RNF135: variants seen among roughly 807,000 people sequenced by gnomAD.
RNF135 encodes the protein E3 ubiquitin-protein ligase RNF135.
A neutral mutation model predicts 41.9 loss-of-function variants in RNF135; 46 were observed. The observed-to-expected ratio is 1.10, with a 90% confidence interval of 0.87 to 1.40. RNF135 has a LOEUF of 1.40. RNF135 is among the 40% of genes most tolerant of loss of function. The pLI is 0.00. For synonymous variants in RNF135, 238 were observed against 223.8 expected (o/e 1.06, Z -0.57); for missense variants, 539 against 549.8 (o/e 0.98, Z 0.20).
At chr17:30,977,793 T>C (rs1906597071) in intron 1 of RNF135, among the ~76,000 whole-genome samples, 1 of 152,178 alleles carries the variant, frequency 6.6e-6, no homozygotes, top group East Asian at 1.9e-4. Flanking sequence ...AGTCTCGAAC[T>C]CCTGACCTCA....
chr17:30,968,787 T>C (rs903363684), upstream of RNF135: 4 of 152,372 alleles, frequency 2.6e-5, no homozygotes, highest in African/African-American at 4.8e-5. Context: ...ACTCACTCTT[T>C]CCAGAAACTT....
At chr17:30,984,874 T>G in intron 2 of RNF135, 114 bp downstream of exon 2, 3 of 1,216,212 alleles carry the variant, frequency 2.5e-6, no homozygotes, top group South Asian at 2.4e-5. Flanking sequence ...TCTCAATCTT[T>G]TATTGTTCTC....
chr17:30,981,242 C>G (rs1464179842), intron 1 of RNF135, among the ~76,000 whole-genome samples: 2 of 147,616 alleles, frequency 1.4e-5, no homozygotes, highest in Admixed American at 1.3e-4. Flanking sequence ...CGCCTGCAAT[C>G]GCAGGCACTC....
At position 30,995,153 on chromosome 17, in the gene RNF135, C is replaced by T. The variant is rs1481112172; in HGVS notation, c.680-2089C>T. ...CTGTAATCATAGCACTTTGGGAGGC[C>T]GAGGCGGGTGGATCACTAGGTCAGG... On this transcript the variant is annotated intron_variant, in intron 3 of 4. Coordinates refer to ENST00000328381, the MANE Select transcript of RNF135 (RefSeq NM_032322.4). 5.3e-5 allele frequency among the ~76,000 whole-genome samples: 8 copies of T among 151,668 alleles called. No individual in the cohort carries two copies. In the East Asian group the frequency reaches 9.9e-4, roughly 19 times the overall value.
chr17:30,995,117 G>C (rs1367748180), intron 3 of RNF135, among the ~76,000 whole-genome samples: 1 of 152,058 alleles, frequency 6.6e-6, no homozygotes, highest in African/African-American at 2.4e-5. Flanking sequence ...GGCCGGGACA[G>C]TGGCTTACGC....
At chr17:30,966,598 C>T (rs949581163), upstream of RNF135, among the ~76,000 whole-genome samples, 19 of 151,266 alleles carry the variant, frequency 1.3e-4, no homozygotes, top group Non-Finnish European at 2.1e-4. Flanking sequence ...AGGGTTCACA[C>T]CATTCTCCTG....
intron 3 of RNF135, among the ~76,000 whole-genome samples, chr17:30,988,321 T>C (rs1054070513): frequency 2.0e-5 from 3 of 151,710 alleles, no homozygotes; most frequent in African/African-American, 4.8e-5. Flanking sequence ...AAGTCCTTAA[T>C]AGATAGAAAC....
At chr17:30,970,847 C>A (rs544187011), upstream of RNF135, 28 of 622,796 alleles carry the variant, frequency 4.5e-5, no homozygotes, top group Admixed American at 5.4e-4. Context: ...TTTCCCAGGG[C>A]AAGAGGCCGC....
In RNF135 at chr17:30,971,064, C is replaced by T. The variant is rs1169079795; in HGVS notation, c.-10C>T. Reference sequence around the variant, plus strand: ...AACCCCGACGTCCGCGCCCCGGCCGCCTGTTGGCCATGGCGGGCCTGGGCC... The same window carrying T: ...AACCCCGACGTCCGCGCCCCGGCCGTCTGTTGGCCATGGCGGGCCTGGGCC... On this transcript the variant is annotated 5_prime_UTR_variant, in exon 1 of 5. Transcript: ENST00000328381. 6.5e-7 allele frequency: 1 copy of T among 1,534,004 alleles called. No individual in the cohort carries two copies. Among genetic ancestry groups the T allele is most frequent in the African/African-American group, 1.4e-5 (1 of 72,988 alleles).
chr17:30,983,997 GAT>G (rs1286791888), intron 1 of RNF135, among the ~76,000 whole-genome samples: 1 of 152,068 alleles, frequency 6.6e-6, no homozygotes, highest in Non-Finnish European at 1.5e-5. Flanking sequence ...AAGCGGCAGT[GAT>G]ATGTTTTTAT....
Position 30,971,296 on chromosome 17 carries a change from A to G in RNF135, c.223A>G (p.Asn75Asp), listed in dbSNP as rs1905898662. 2 of 1,530,024 alleles carry G rather than the reference A, an allele frequency of 1.3e-6. No homozygotes were observed. The highest frequency in any genetic ancestry group is 1.8e-6 in the Non-Finnish European group (2 of 1,142,274). 94.8% of individuals were successfully genotyped at this position (1,530,024 alleles called of 1,614,324 possible). A position where few individuals can be genotyped will look rare whatever the true frequency, so the allele number is the denominator to read the frequency against. The change falls in exon 1 of 5, where the codon AAC becomes GAC. Residue 75 changes from asparagine (N) to aspartate (D), a missense_variant. Coordinates refer to ENST00000328381, the MANE Select transcript of RNF135 (RefSeq NM_032322.4). ...CGCGCAGCAGCCGCACCTGCGGAAG[A>G]ACACGCTACTGCAGGACCTGGCCGA... Reference protein sequence around the residue: ...GAAQQPHLRKNTLLQDLADKY... With the variant: ...GAAQQPHLRKDTLLQDLADKY...
In RNF135 at chr17:30,998,732, A is replaced by G. The variant is rs1292071339; in HGVS notation, c.840A>G (p.Thr280=). The G allele has an allele frequency of 1.9e-6, 3 of 1,613,334 alleles. No individual in the cohort carries two copies. Among genetic ancestry groups the G allele is most frequent in the African/African-American group, 2.7e-5 (2 of 74,796 alleles). ...CSLEVSKDSR[T]VTVSHRPQPY... is the part of the protein sequence containing the mutation. ...TGGAGGTGTCCAAGGATTCCCGTACAGTGACTGTGTCTCACCGCCCACAAC... is the reference window on the plus strand; with the variant it reads ...TGGAGGTGTCCAAGGATTCCCGTACGGTGACTGTGTCTCACCGCCCACAAC... Residue 280 remains threonine, a synonymous_variant, in exon 5 of 5, where the codon ACA becomes ACG. Coordinates refer to ENST00000328381, the MANE Select transcript of RNF135 (RefSeq NM_032322.4).
At position 30,971,368 on chromosome 17, in the gene RNF135, G is replaced by GC; in HGVS notation, c.298dup (p.His100ProfsTer104). 2 of 1,528,558 alleles carry GC rather than the reference G, an allele frequency of 1.3e-6. No homozygotes were observed. The highest frequency in any genetic ancestry group is 2.4e-5 in the South Asian group (2 of 83,094). 94.7% of individuals were successfully genotyped at this position (1,528,558 alleles called of 1,614,324 possible). On this transcript the variant is annotated frameshift_variant, in exon 1 of 5. Transcript: ENST00000328381. LOFTEE classifies it high-confidence loss of function. ...CGAGATACAGGCGGGCTCCGACCCT[G>GC]CCCACTGCCCCTGCCCGGGCTCCAG...
chr17:30,999,293 C>T lies in RNF135; in HGVS notation c.*102C>T, dbSNP rs571703543. 1.2e-5 allele frequency: 15 copies of T among 1,303,888 alleles called. No individual in the cohort carries two copies. In the African/African-American group the frequency reaches 1.2e-4, roughly 10 times the overall value. 80.8% of individuals were successfully genotyped at this position (1,303,888 alleles called of 1,614,324 possible). On this transcript the variant is annotated 3_prime_UTR_variant, in exon 5 of 5. Coordinates refer to ENST00000328381, the MANE Select transcript of RNF135 (RefSeq NM_032322.4). Reference sequence around the variant, plus strand: ...AGAATACCACTTTTTAGAAAAATTACGATAGAGATGGGATCTCACTAGGTT... The same window carrying T: ...AGAATACCACTTTTTAGAAAAATTATGATAGAGATGGGATCTCACTAGGTT...
At position 30,999,374 on chromosome 17, in the gene RNF135, A is replaced by T. The variant is rs1908591138; in HGVS notation, c.*183A>T. 1.5e-6 allele frequency: 1 copy of T among 658,922 alleles called. No homozygotes were observed. Among genetic ancestry groups the T allele is most frequent in the African/African-American group, 1.8e-5 (1 of 55,966 alleles). 40.8% of individuals were successfully genotyped at this position (658,922 alleles called of 1,614,324 possible). On this transcript the variant is annotated 3_prime_UTR_variant, in exon 5 of 5. Transcript: ENST00000328381. The stretch of plus-strand genomic sequence containing the variant: ...AGCAGTCCTCCCACCTCAGCCTCCC[A>T]AGGTGCTGGGATTACAGGTGTGAGC...
chr17:30,983,353 ATTTT>A (rs1192298651), intron 1 of RNF135, among the ~76,000 whole-genome samples: 172 of 35,652 alleles, frequency 4.8e-3, no homozygotes, highest in Middle Eastern at 0.024. Flanking sequence ...ATATATATAT[ATTTT>A]TTTTTTTTTT....
At chr17:30,969,562 G>A (rs1479085102), upstream of RNF135, among the ~76,000 whole-genome samples, 3 of 152,156 alleles carry the variant, frequency 2.0e-5, no homozygotes, top group African/African-American at 7.2e-5. Flanking sequence ...GGCCGGCTCA[G>A]TCGCCTTTAA....
chr17:30,959,683 G>A, the RNF135 span: 1 of 152,074 alleles, frequency 6.6e-6, no homozygotes, highest in Non-Finnish European at 1.5e-5. Context: ...CACTAAATTT[G>A]GCATCAACAT....
chr17:30,961,989 T>C, the RNF135 span, among the ~76,000 whole-genome samples: 10 of 152,240 alleles, frequency 6.6e-5, no homozygotes, highest in East Asian at 1.9e-3. Flanking sequence ...AAGACTCCCA[T>C]AAAGGGAGTC....
Sources: gnomAD v4.1 joint callset for allele counts (sites outside exome capture counted in the v4.1 genomes callset) on GRCh38, gnomAD v4.1.1 for gene constraint, MANE v1.5 for transcripts, NCBI Gene and HGNC (gene_info 2026-07-23, HGNC 2026-07-21) for gene names.